The following UGT3A2 variants were observed in gnomAD, a reference collection of about 807,000 sequenced individuals.
The protein encoded by UGT3A2 is UDP-glycosyltransferase 3A2.
A neutral mutation model predicts 39.8 loss-of-function variants in UGT3A2; 32 were observed. The ratio of observed to expected loss-of-function variants is 0.80; its 90% CI spans 0.61 to 1.08. The LOEUF (loss-of-function observed/expected upper bound fraction) is 1.08, where lower values mean the gene tolerates loss of function less well. Among genes scored for constraint, UGT3A2 ranks in the 50% least tolerant of loss-of-function variants. UGT3A2 has a pLI of 0.00. For synonymous variants in UGT3A2, 241 were observed against 230.7 expected (o/e 1.04, Z -0.40); for missense variants, 611 against 637.1 (o/e 0.96, Z 0.44).
intron 2 of UGT3A2, among the ~76,000 whole-genome samples, chr5:36,059,280 T>A (rs1033588586): frequency 1.3e-5 from 2 of 152,082 alleles, no homozygotes; most frequent in Admixed American, 1.3e-4. Context: ...AAACATGTAC[T>A]GTTTAGTGCC....
At chr5:36,063,719 T>A (rs961430149) in intron 2 of UGT3A2, among the ~76,000 whole-genome samples, 6 of 152,192 alleles carry the variant, frequency 3.9e-5, no homozygotes, top group African/African-American at 1.4e-4. Context: ...TCACTGCAAC[T>A]TCTGCCTCCT....
chr5:36,042,315 G>A (rs1335913348), intron 4 of UGT3A2, among the ~76,000 whole-genome samples: 3 of 152,026 alleles, frequency 2.0e-5, no homozygotes, highest in Non-Finnish European at 4.4e-5. Flanking sequence ...GTTGTCATCA[G>A]ATTAAAATAA....
At chr5:36,064,401 G>A in intron 1 of UGT3A2, 51 bp from the exon 2 acceptor site, 1 of 1,464,058 alleles carries the variant, frequency 6.8e-7, no homozygotes, top group Non-Finnish European at 9.6e-7. Flanking sequence ...TACAGTGTCT[G>A]AAGTCAGTAG....
In UGT3A2 at chr5:36,057,663, G is replaced by A. The variant is rs111892222; in HGVS notation, c.197-5679C>T. Among the ~76,000 whole-genome samples the A allele has an allele frequency of 3.0e-3, 449 of 151,328 alleles. 1 individual carries two copies. Among genetic ancestry groups the A allele is most frequent in the Admixed American group, 5.7e-3 (87 of 15,196 alleles). On this transcript the variant is annotated intron_variant, in intron 2 of 6. Transcript: ENST00000282507. ...CAATCCTCCTGCCTCAGCTTCCCAC[G>A]TAGCTGGGACCACAGGAGCATGACA...
chr5:36,060,623 C>A (rs899457339), intron 2 of UGT3A2, among the ~76,000 whole-genome samples: 45 of 152,246 alleles, frequency 3.0e-4, no homozygotes, highest in African/African-American at 1.0e-3. Context: ...CCTTTACAAC[C>A]GTTTCTTTTA....
At chr5:36,066,615 A>T (rs527598531) in intron 1 of UGT3A2, 81 bp downstream of exon 1, 1 of 1,603,070 alleles carries the variant, frequency 6.2e-7, no homozygotes, top group Admixed American at 1.7e-5. Context: ...GATGACTCTG[A>T]TCAAGCGCTG....
At chr5:36,065,993 A>C (rs1742867128) in intron 1 of UGT3A2, among the ~76,000 whole-genome samples, 1 of 152,030 alleles carries the variant, frequency 6.6e-6, no homozygotes, top group African/African-American at 2.4e-5. Context: ...TTGGGGTAAA[A>C]GTAAAAGAAG....
rs757574064 is a variant in UGT3A2 at position 36,037,814 on chromosome 5, T to C, written c.1278A>G (p.Gln426=). Residue 426 remains glutamine, a synonymous_variant, in exon 6 of 7, where the codon CAA becomes CAG. Transcript: ENST00000282507. ...KAETLALKMK[Q]IMEDKRYKSA... The stretch of plus-strand genomic sequence containing the variant: ...CTGCATACCTCTTGTCTTCCATGAT[T>C]TGTTTCATCTTAAGAGCCAATGTCT... 56 of 1,614,232 alleles carry C rather than the reference T, an allele frequency of 3.5e-5. No individual in the cohort carries two copies. The South Asian group carries it at 5.9e-4, about 17-fold the overall frequency.
intron 2 of UGT3A2, among the ~76,000 whole-genome samples, chr5:36,062,916 C>T (rs1022812925): frequency 3.3e-5 from 5 of 151,916 alleles, no homozygotes; most frequent in Non-Finnish European, 7.4e-5. Context: ...TGGTACACAC[C>T]TGTAATGTCA....
chr5:36,042,410 A>G (rs1228941435), intron 4 of UGT3A2, among the ~76,000 whole-genome samples: 2 of 152,222 alleles, frequency 1.3e-5, no homozygotes, highest in African/African-American at 4.8e-5. Flanking sequence ...AAAATTCAAG[A>G]AATTAAAACA....
chr5:36,049,614 G>A (rs1030774371), intron 3 of UGT3A2, among the ~76,000 whole-genome samples, 194 bp from the exon 4 acceptor site: 1 of 152,116 alleles, frequency 6.6e-6, no homozygotes, highest in Non-Finnish European at 1.5e-5. Context: ...TCCCTAGAGT[G>A]TACCCTTCTC....
At chr5:36,064,482 G>T in intron 1 of UGT3A2, 132 bp from the exon 2 acceptor site, 1 of 781,602 alleles carries the variant, frequency 1.3e-6, no homozygotes, top group Non-Finnish European at 2.0e-6. Context: ...AGTTTTGCCA[G>T]TCTCCTCATG....
intron 2 of UGT3A2, among the ~76,000 whole-genome samples, chr5:36,060,691 A>C (rs915156332): frequency 1.3e-4 from 20 of 152,200 alleles, no homozygotes; most frequent in African/African-American, 4.6e-4. Flanking sequence ...GGTCTCAAGT[A>C]GTAACAGTAA....
At chr5:36,045,341 A>C (rs1246371871) in intron 4 of UGT3A2, among the ~76,000 whole-genome samples, 1 of 152,188 alleles carries the variant, frequency 6.6e-6, no homozygotes, top group Non-Finnish European at 1.5e-5. Context: ...AATGGATTAA[A>C]AGACTTAAAT....
chr5:36,053,841 C>A (rs1373073547), intron 2 of UGT3A2, among the ~76,000 whole-genome samples: 1 of 152,166 alleles, frequency 6.6e-6, no homozygotes, highest in African/African-American at 2.4e-5. Context: ...GCATCCCTGG[C>A]TCATGGCCCC....
intron 1 of UGT3A2, among the ~76,000 whole-genome samples, chr5:36,066,450 C>T (rs1742881123): frequency 1.3e-5 from 2 of 152,088 alleles, no homozygotes; most frequent in African/African-American, 2.4e-5. Context: ...GGGATGGGGG[C>T]GCGTCCTGAA....
chr5:36,052,144 A>C (rs1742364309), intron 2 of UGT3A2, among the ~76,000 whole-genome samples, 160 bp from the exon 3 acceptor site: 1 of 152,180 alleles, frequency 6.6e-6, no homozygotes, highest in African/African-American at 2.4e-5. Flanking sequence ...TTTGAGACAG[A>C]GTCTTGCTCT....
At chr5:36,036,840 C>T (rs890604395) in intron 6 of UGT3A2, among the ~76,000 whole-genome samples, 1 of 152,178 alleles carries the variant, frequency 6.6e-6, no homozygotes, top group Non-Finnish European at 1.5e-5. Context: ...GCCCTTGAAA[C>T]TCTAATAAAT....
At chr5:36,056,326 T>C (rs568042524) in intron 2 of UGT3A2, among the ~76,000 whole-genome samples, 70 of 152,358 alleles carry the variant, frequency 4.6e-4, no homozygotes, top group Non-Finnish European at 8.8e-4. Context: ...GTCATGTTTC[T>C]CCAGGGTATA....
Sources: gnomAD v4.1 joint callset for allele counts (sites outside exome capture counted in the v4.1 genomes callset) on GRCh38, gnomAD v4.1.1 for gene constraint, MANE v1.5 for transcripts, NCBI Gene and HGNC (gene_info 2026-07-23, HGNC 2026-07-21) for gene names.